The following FAF2 variants were observed in gnomAD, a reference collection of about 807,000 sequenced individuals.
FAF2 encodes FAS-associated factor 2.
Under a neutral mutation model 62.3 loss-of-function variants are expected in FAF2, and 9 were observed. That is an observed-to-expected ratio of 0.14 (90% CI 0.09 to 0.25). The LOEUF (loss-of-function observed/expected upper bound fraction) is 0.25, where lower values mean the gene tolerates loss of function less well. Ranked by LOEUF, FAF2 falls within the 10% of genes least tolerant of loss-of-function variation. FAF2 has a pLI of 1.00. For synonymous variants in FAF2, 202 were observed against 198.0 expected, an observed-to-expected ratio of 1.02 and a Z score of -0.17; for missense variants, 368 against 556.2, an observed-to-expected ratio of 0.66 and a Z score of 3.40.
At chr5:176,452,948 T>C (rs1343809108) in intron 1 of FAF2, among the ~76,000 whole-genome samples, 1 of 152,198 alleles carries the variant, frequency 6.6e-6, no homozygotes, top group East Asian at 1.9e-4. Context: ...ATATGTTTCT[T>C]CATTTGGTAT....
At chr5:176,451,775 C>CGT (rs199639593) in intron 1 of FAF2, among the ~76,000 whole-genome samples, 19 of 88,304 alleles carry the variant, frequency 2.2e-4, no homozygotes, top group South Asian at 8.6e-4. Context: ...CATATATATA[C>CGT]GTGTGTGTGT....
intron 10 of FAF2, 26 bp from the exon 11 acceptor site, chr5:176,506,742 C>T: frequency 6.2e-7 from 1 of 1,600,948 alleles, no homozygotes. Context: ...TCTCACCACC[C>T]TTCTTTTTCT....
Position 176,490,430 on chromosome 5 carries a change from G to A in FAF2, c.344+1403G>A, listed in dbSNP as rs560989585. Among the ~76,000 whole-genome samples the A allele has an allele frequency of 9.9e-5, 15 of 152,248 alleles. No homozygotes were observed. The South Asian group carries it at 3.1e-3, about 32-fold the overall frequency. ...TTTATGGGGAACTTAAATGTTCAAG[G>A]GCATCCAGGCCAGCAGATGGAGCTG... On this transcript the variant is annotated intron_variant, in intron 4 of 10. Transcript: ENST00000261942.
In FAF2 at chr5:176,493,723, T is replaced by G. The variant is rs12108869; in HGVS notation, c.484-276T>G. 5.3e-3 allele frequency among the ~76,000 whole-genome samples: 809 copies of G among 152,276 alleles called. 1 individual carries two copies. The highest frequency in any genetic ancestry group is 0.015 in the African/African-American group (639 of 41,548). On this transcript the variant is annotated intron_variant, in intron 5 of 10. Coordinates refer to ENST00000261942, the MANE Select transcript of FAF2 (RefSeq NM_014613.3). The stretch of plus-strand genomic sequence containing the variant: ...TCTGTGGTTTGTTGGGAACCTGTGT[T>G]TGTAAGCCTGTCTACTCTCATGTGT...
chr5:176,495,934 GATT>G (rs948264081), intron 7 of FAF2, among the ~76,000 whole-genome samples: 6 of 152,138 alleles, frequency 3.9e-5, no homozygotes, highest in Non-Finnish European at 7.3e-5. Flanking sequence ...TGATGATGGA[GATT>G]ATTATCAGTA....
chr5:176,464,593 A>G (rs1005661511), intron 1 of FAF2, among the ~76,000 whole-genome samples: 1 of 149,980 alleles, frequency 6.7e-6, no homozygotes, highest in Non-Finnish European at 1.5e-5. Context: ...CCCGGACTCA[A>G]GTGACCCTCC....
At chr5:176,489,078 G>A in intron 4 of FAF2, 51 bp downstream of exon 4, 1 of 1,460,020 alleles carries the variant, frequency 6.8e-7, no homozygotes, top group Non-Finnish European at 9.5e-7. Flanking sequence ...CTTTGGAGCT[G>A]AAATTTAGGC....
rs1161254389 is a variant in FAF2, at chr5:176,461,497, TA to T, written c.63+13028del. On this transcript the variant is annotated intron_variant, in intron 1 of 10. Coordinates refer to ENST00000261942, the MANE Select transcript of FAF2 (RefSeq NM_014613.3). ...CACACTGGGCTAATTTTTTTTATTTTATTTTTTTTTTTTAGAGATAGGGTCT... is the reference window on the plus strand; with the variant it reads ...CACACTGGGCTAATTTTTTTTATTTTTTTTTTTTTTTTAGAGATAGGGTCT... Among the ~76,000 whole-genome samples, 117 of 151,434 alleles carry T rather than the reference TA, an allele frequency of 7.7e-4. 2 individuals carry two copies. The highest frequency in any genetic ancestry group is 2.6e-3 in the African/African-American group (108 of 41,224).
At chr5:176,506,080 A>G (rs1755679180) in intron 10 of FAF2, among the ~76,000 whole-genome samples, 1 of 151,666 alleles carries the variant, frequency 6.6e-6, no homozygotes, top group Non-Finnish European at 1.5e-5. Context: ...ACTCCCAGCT[A>G]CTCAGGAGGC....
intron 1 of FAF2, among the ~76,000 whole-genome samples, chr5:176,459,249 C>CGT (rs1337385473): frequency 1.3e-4 from 16 of 124,752 alleles, no homozygotes; most frequent in African/African-American, 5.6e-4. Context: ...TTCCAGTTAA[C>CGT]CTTTTTTTTT....
At chr5:176,488,032 A>G (rs987109686) in intron 3 of FAF2, among the ~76,000 whole-genome samples, 1 of 151,992 alleles carries the variant, frequency 6.6e-6, no homozygotes, top group African/African-American at 2.4e-5. Flanking sequence ...TAGTAGAGAC[A>G]GGGTTTCACC....
At chr5:176,473,992 C>T (rs906649010) in intron 1 of FAF2, among the ~76,000 whole-genome samples, 1 of 152,170 alleles carries the variant, frequency 6.6e-6, no homozygotes, top group Non-Finnish European at 1.5e-5. Context: ...TCCAAGGAGC[C>T]CTGATTCTTT....
intron 5 of FAF2, among the ~76,000 whole-genome samples, chr5:176,492,608 A>C (rs958002834): frequency 2.6e-5 from 4 of 151,902 alleles, no homozygotes; most frequent in African/African-American, 9.7e-5. Context: ...GTACTTGCCT[A>C]CCTCTGTGCC....
At chr5:176,473,087 T>C (rs1758602644) in intron 1 of FAF2, among the ~76,000 whole-genome samples, 1 of 152,232 alleles carries the variant, frequency 6.6e-6, no homozygotes, top group Non-Finnish European at 1.5e-5. Flanking sequence ...TGAACCAATA[T>C]TGATACACTA....
intron 3 of FAF2, among the ~76,000 whole-genome samples, chr5:176,487,423 T>C (rs962875333): frequency 2.6e-5 from 4 of 152,108 alleles, no homozygotes; most frequent in African/African-American, 7.2e-5. Context: ...GCTCAAGTTA[T>C]CTGCCCACCT....
intron 1 of FAF2, among the ~76,000 whole-genome samples, chr5:176,477,053 C>A (rs1342910532): frequency 6.6e-6 from 1 of 151,142 alleles, no homozygotes; most frequent in Non-Finnish European, 1.5e-5. Context: ...CGTGATCCGC[C>A]CGCCTCGGCC....
intron 1 of FAF2, among the ~76,000 whole-genome samples, chr5:176,451,667 T>G (rs1352528272): frequency 6.8e-6 from 1 of 148,044 alleles, no homozygotes; most frequent in Non-Finnish European, 1.5e-5. Context: ...AACCATCTTC[T>G]GTGTAACTTA....
Position 176,472,022 on chromosome 5 carries a change from C to T in FAF2, c.64-7166C>T, listed in dbSNP as rs1399955977. ...ATCACCTGTGTTAAGTTCCCTTTCCCTATAGGAAATAAACATGACCTTTTC... is the reference window on the plus strand; with the variant it reads ...ATCACCTGTGTTAAGTTCCCTTTCCTTATAGGAAATAAACATGACCTTTTC... On this transcript the variant is annotated intron_variant, in intron 1 of 10. Transcript: ENST00000261942. Among the ~76,000 whole-genome samples, 8 of 151,964 alleles carry T rather than the reference C, an allele frequency of 5.3e-5. No individual in the cohort carries two copies. The East Asian group carries it at 1.6e-3, about 30-fold the overall frequency.
intron 1 of FAF2, among the ~76,000 whole-genome samples, chr5:176,471,718 T>C (rs914702165): frequency 7.4e-6 from 1 of 135,422 alleles, no homozygotes; most frequent in Non-Finnish European, 1.6e-5. Context: ...AGTCTCACTC[T>C]GTCTGTCACC....
Sources: allele counts gnomAD v4.1 joint callset (sites outside exome capture counted in the v4.1 genomes callset), GRCh38; gene constraint gnomAD v4.1.1; transcripts MANE v1.5; gene names NCBI Gene and HGNC (gene_info 2026-07-23, HGNC 2026-07-21).